Variants in PSD3 observed in about 807,000 individuals in gnomAD.
The protein encoded by PSD3 is PH and SEC7 domain-containing protein 3.
PSD3 carries 49 observed loss-of-function variants against 105.5 expected under a neutral mutation model. The ratio of observed to expected loss-of-function variants is 0.46; its 90% CI spans 0.37 to 0.59. PSD3 has a LOEUF of 0.59. PSD3 is among the 20% of genes least tolerant of loss of function. The pLI, the probability that PSD3 is intolerant of heterozygous loss-of-function variation, is 0.00. For missense variants in PSD3, 1,561 were observed against 1,263.8 expected (o/e 1.24, Z -3.57); for synonymous variants, 557 against 457.8 (o/e 1.22, Z -2.77).
At chr8:18,537,466 C>CAA (rs770758874) in intron 15 of PSD3, among the ~76,000 whole-genome samples, 2 of 152,170 alleles carry the variant, frequency 1.3e-5, no homozygotes, top group Non-Finnish European at 2.9e-5. Flanking sequence ...AGGCCATTCT[C>CAA]AACTCCTTCT....
At chr8:18,788,422 G>A (rs1442741204) in intron 8 of PSD3, among the ~76,000 whole-genome samples, 2 of 152,090 alleles carry the variant, frequency 1.3e-5, no homozygotes, top group South Asian at 2.1e-4. Flanking sequence ...TGCCATCCCT[G>A]GCAATCTGGG....
chr8:19,048,519 T>C (rs574368279), intron 1 of PSD3, among the ~76,000 whole-genome samples: 1 of 151,046 alleles, frequency 6.6e-6, no homozygotes, highest in East Asian at 1.9e-4. Flanking sequence ...GCAGTTTAAC[T>C]GCCAAAGTGC....
chr8:18,649,378 G>T (rs566273235), intron 10 of PSD3, among the ~76,000 whole-genome samples: 1 of 152,196 alleles, frequency 6.6e-6, no homozygotes, highest in African/African-American at 2.4e-5. Context: ...CTGTCCTGCC[G>T]GGGTTTCGGA....
At chr8:18,735,698 G>C (rs1804099299) in intron 9 of PSD3, among the ~76,000 whole-genome samples, 2 of 152,044 alleles carry the variant, frequency 1.3e-5, no homozygotes, top group South Asian at 4.2e-4. Context: ...AAGAAATAAT[G>C]ATCATAAGCA....
At position 18,625,343 on chromosome 8, in the gene PSD3, T is replaced by A. The variant is rs569854706; in HGVS notation, c.2410+7270A>T. ...CTGGGTTCTCTTTTCCAACCCATCA[T>A]CCTATCTGTATGTCTTATTATCTTG... is the stretch of plus-strand genomic sequence containing the variant. On this transcript the variant is annotated intron_variant, in intron 11 of 15. Transcript: ENST00000327040. Among the ~76,000 whole-genome samples the A allele has an allele frequency of 3.9e-5, 6 of 152,244 alleles. No individual in the cohort carries two copies. In the East Asian group the frequency reaches 1.2e-3, roughly 29 times the overall value.
At chr8:18,545,722 G>C (rs1800415642) in intron 15 of PSD3, among the ~76,000 whole-genome samples, 1 of 152,162 alleles carries the variant, frequency 6.6e-6, no homozygotes, top group Admixed American at 6.5e-5. Flanking sequence ...TTTACACTTT[G>C]CTTTTCCTTC....
intron 2 of PSD3, among the ~76,000 whole-genome samples, chr8:18,875,446 G>GTGGCCGGGCGCGGTGGCTCACGC (rs1817668056): frequency 6.6e-6 from 1 of 152,040 alleles, no homozygotes; most frequent in African/African-American, 2.4e-5. Context: ...AGTAAAGAAG[G>GTGGCCGGGCGCGGTGGCTCACGC]CAGTAGGTCT....
chr8:18,793,647 G>A (rs545253870), intron 8 of PSD3, among the ~76,000 whole-genome samples: 2 of 152,288 alleles, frequency 1.3e-5, no homozygotes, highest in East Asian at 1.9e-4. Flanking sequence ...TACAGCAGGG[G>A]AAAGCTCAGA....
chr8:18,738,875 G>A (rs1253755358), intron 9 of PSD3, among the ~76,000 whole-genome samples: 1 of 136,696 alleles, frequency 7.3e-6, no homozygotes, highest in Non-Finnish European at 1.5e-5. Flanking sequence ...TCACCTCAAA[G>A]AATATTCTAG....
At chr8:18,799,258 C>T (rs780688023) in intron 8 of PSD3, 37 bp downstream of exon 8, 3 of 1,532,676 alleles carry the variant, frequency 2.0e-6, no homozygotes, top group Admixed American at 3.3e-5. Flanking sequence ...ATAAGCCCGA[C>T]ATGTTTTGGA....
At chr8:18,829,098 T>G (rs1232915619) in intron 4 of PSD3, among the ~76,000 whole-genome samples, 1 of 151,532 alleles carries the variant, frequency 6.6e-6, no homozygotes, top group Non-Finnish European at 1.5e-5. Context: ...AATTTAAAAA[T>G]TAGTTGGGCA....
intron 9 of PSD3, among the ~76,000 whole-genome samples, chr8:18,718,029 T>C (rs927475446): frequency 6.6e-6 from 1 of 152,150 alleles, no homozygotes; most frequent in Non-Finnish European, 1.5e-5. Flanking sequence ...GCCTCCCACT[T>C]CTGTCCAAGG....
chr8:18,640,148 C>A (rs557977952), intron 10 of PSD3, among the ~76,000 whole-genome samples: 1 of 152,190 alleles, frequency 6.6e-6, no homozygotes, highest in Admixed American at 6.5e-5. Flanking sequence ...TGTAGAACTC[C>A]GTTGATATAG....
chr8:19,061,706 G>A (rs926997593), intron 1 of PSD3, among the ~76,000 whole-genome samples: 2 of 151,834 alleles, frequency 1.3e-5, no homozygotes, highest in African/African-American at 4.8e-5. Flanking sequence ...TCAGAAGTCT[G>A]AGGCAGGAGA....
intron 12 of PSD3, among the ~76,000 whole-genome samples, chr8:18,584,664 T>C (rs925985580): frequency 1.3e-5 from 2 of 152,176 alleles, no homozygotes; most frequent in African/African-American, 2.4e-5. Flanking sequence ...TTTCCTACAT[T>C]TGTGATGTAT....
chr8:18,839,711 C>G (rs1814447488), intron 4 of PSD3, among the ~76,000 whole-genome samples: 1 of 152,132 alleles, frequency 6.6e-6, no homozygotes, highest in Non-Finnish European at 1.5e-5. Context: ...TAAGTCAACT[C>G]CACGTGGAAC....
intron 10 of PSD3, 64 bp downstream of exon 10, chr8:18,655,578 C>T (rs1808827736): frequency 1.4e-6 from 2 of 1,425,736 alleles, no homozygotes; most frequent in Non-Finnish European, 2.0e-6. Context: ...ACTTCCAAGG[C>T]ATAAAGACAG....
intron 2 of PSD3, among the ~76,000 whole-genome samples, chr8:18,920,378 T>A (rs2129467052): frequency 6.6e-6 from 1 of 152,278 alleles, no homozygotes; most frequent in Admixed American, 6.5e-5. Flanking sequence ...AATGCTCAGG[T>A]TAGTCAGACA....
chr8:18,743,036 A>G (rs1448709793), intron 9 of PSD3, among the ~76,000 whole-genome samples: 4 of 152,198 alleles, frequency 2.6e-5, no homozygotes, highest in Non-Finnish European at 1.5e-5. Context: ...CTTTAGAAAT[A>G]GTTTTCATGG....
Sources: allele counts gnomAD v4.1 joint callset (sites outside exome capture counted in the v4.1 genomes callset), GRCh38; gene constraint gnomAD v4.1.1; transcripts MANE v1.5; gene names NCBI Gene and HGNC (gene_info 2026-07-23, HGNC 2026-07-21).